Variants in EIF4EBP2 observed in about 807,000 individuals in gnomAD.
EIF4EBP2 encodes eukaryotic translation initiation factor 4E binding protein 2.
A neutral mutation model predicts 10.3 loss-of-function variants in EIF4EBP2; 5 were observed. The ratio of observed to expected loss-of-function variants is 0.48; its 90% CI spans 0.25 to 1.02. EIF4EBP2 has a LOEUF of 1.02. Among genes scored for constraint, EIF4EBP2 ranks in the 50% least tolerant of loss-of-function variants. The probability of loss-of-function intolerance (pLI) is 0.15; values close to 1 mark genes in which losing one functional copy is unlikely to be tolerated. For synonymous variants in EIF4EBP2, 67 were observed against 61.1 expected (o/e 1.10, Z -0.45); for missense variants, 188 against 162.2 (o/e 1.16, Z -0.86).
In EIF4EBP2 at chr10:70,425,297, C is replaced by T. The variant is rs890578158; in HGVS notation, c.*3550C>T. 4.6e-5 allele frequency: 7 copies of T among 152,316 alleles called. No homozygotes were observed. The highest frequency in any genetic ancestry group is 1.9e-4 in the East Asian group (1 of 5,186). 9.4% of individuals were successfully genotyped at this position (152,316 alleles called of 1,614,324 possible). On this transcript the variant is annotated 3_prime_UTR_variant, in exon 3 of 3. Transcript: ENST00000373218. ...AGACATAGTCTTGGAAAGGACACACCGTCACTTCTTATCCTAGTTGTTAGA... is the reference window on the plus strand; with the variant it reads ...AGACATAGTCTTGGAAAGGACACACTGTCACTTCTTATCCTAGTTGTTAGA...
intron 2 of EIF4EBP2, 33 bp downstream of exon 2, chr10:70,420,132 G>A (rs368511171): frequency 8.0e-5 from 123 of 1,536,326 alleles, no homozygotes; most frequent in Non-Finnish European, 9.8e-5. Context: ...GACCTAGAGC[G>A]TGGCTCTTGG....
At chr10:70,407,469 T>G (rs1273113103) in intron 1 of EIF4EBP2, among the ~76,000 whole-genome samples, 2 of 151,980 alleles carry the variant, frequency 1.3e-5, no homozygotes, top group African/African-American at 4.8e-5. Context: ...GGCAGAAGAA[T>G]TTTTCTTAGT....
chr10:70,414,687 G>A (rs965925442), intron 1 of EIF4EBP2, among the ~76,000 whole-genome samples: 3 of 152,112 alleles, frequency 2.0e-5, no homozygotes, highest in Non-Finnish European at 4.4e-5. Context: ...GGCCAACATG[G>A]TGAAACCCCA....
rs1015192066 is a variant in EIF4EBP2, at chr10:70,427,884, A to G, written c.*6137A>G. 6.6e-6 allele frequency: 1 copy of G among 151,820 alleles called. No homozygotes were observed. The highest frequency in any genetic ancestry group is 1.5e-5 in the Non-Finnish European group (1 of 67,952). The allele number at this position is 151,820 out of a possible 1,614,324, so 9.4% of individuals were successfully genotyped here. On this transcript the variant is annotated 3_prime_UTR_variant, in exon 3 of 3. Transcript: ENST00000373218. ...GTGCTTAAAACCAAAACTCCTGGAC[A>G]CTTAGAAAATTCCATGAATCTAGCA...
At chr10:70,413,092 G>A (rs2137227260) in intron 1 of EIF4EBP2, among the ~76,000 whole-genome samples, 1 of 152,190 alleles carries the variant, frequency 6.6e-6, no homozygotes, top group South Asian at 2.1e-4. Context: ...TCCCCATTAT[G>A]AAAGATGAGG....
intron 1 of EIF4EBP2, among the ~76,000 whole-genome samples, chr10:70,414,051 A>AC (rs1845069125): frequency 1.3e-5 from 2 of 152,354 alleles, no homozygotes; most frequent in Middle Eastern, 6.8e-3. Context: ...CAGAAAATGT[A>AC]CATCTGTGCA....
chr10:70,405,300 T>C (rs1220356224), intron 1 of EIF4EBP2, among the ~76,000 whole-genome samples: 1 of 152,176 alleles, frequency 6.6e-6, no homozygotes, highest in Non-Finnish European at 1.5e-5. Flanking sequence ...GTGGGGTGGT[T>C]GCTTGATCCT....
Position 70,405,657 on chromosome 10 carries a change from GGAGCT to G in EIF4EBP2, c.145+1113_145+1117del, listed in dbSNP as rs1844958088. 2.0e-5 allele frequency among the ~76,000 whole-genome samples: 3 copies of G among 152,282 alleles called. No homozygotes were observed. In the South Asian group the frequency reaches 6.2e-4, roughly 32 times the overall value. On this transcript the variant is annotated intron_variant, in intron 1 of 2. Transcript: ENST00000373218. ...GCCTTGTTCCTGTGGGCAGGGCTCA[GGAGCT>G]GTACTACAACCAATCCGATGCAGTT...
At chr10:70,406,688 C>T (rs1844967006) in intron 1 of EIF4EBP2, among the ~76,000 whole-genome samples, 1 of 150,830 alleles carries the variant, frequency 6.6e-6, no homozygotes, top group African/African-American at 2.5e-5. Flanking sequence ...AAAGTGCTTG[C>T]AAAGAGTCTG....
At chr10:70,412,304 C>T (rs941681535) in intron 1 of EIF4EBP2, among the ~76,000 whole-genome samples, 7 of 147,906 alleles carry the variant, frequency 4.7e-5, no homozygotes, top group Middle Eastern at 3.5e-3. Flanking sequence ...CTTAATGTTT[C>T]GTTCTCCAGG....
At chr10:70,412,386 G>A (rs1475632471) in intron 1 of EIF4EBP2, among the ~76,000 whole-genome samples, 1 of 150,652 alleles carries the variant, frequency 6.6e-6, no homozygotes, top group African/African-American at 2.5e-5. Flanking sequence ...ATTTTATGAT[G>A]GCGGCCGGGG....
rs1554848004 is a variant in EIF4EBP2, at chr10:70,407,738, C to CG, written c.145+3192_145+3193insG. ...TCCCGGGCGGGGGGCTGACCCCCCC[C>CG]CCACCTCCCTCCCAGACGGGGCGGC... On this transcript the variant is annotated intron_variant, in intron 1 of 2. Coordinates refer to ENST00000373218, the MANE Select transcript of EIF4EBP2 (RefSeq NM_004096.5). Among the ~76,000 whole-genome samples, 8 of 139,878 alleles carry CG rather than the reference C, an allele frequency of 5.7e-5. No homozygotes were observed. The East Asian group carries it at 1.5e-3, about 27-fold the overall frequency. 91.8% of individuals were successfully genotyped at this position (139,878 alleles called of 152,430 possible). A position where few individuals can be genotyped will look rare whatever the true frequency, so the allele number is the denominator to read the frequency against.
intron 2 of EIF4EBP2, among the ~76,000 whole-genome samples, chr10:70,421,043 C>T: frequency 6.6e-6 from 1 of 152,158 alleles, no homozygotes; most frequent in Non-Finnish European, 1.5e-5. Context: ...GATCCGCCCG[C>T]CTCAGCCTCC....
At chr10:70,412,911 A>G (rs1052101647) in intron 1 of EIF4EBP2, among the ~76,000 whole-genome samples, 1 of 152,236 alleles carries the variant, frequency 6.6e-6, no homozygotes. Context: ...AAATATGTAC[A>G]TTTTGAAACA....
intron 1 of EIF4EBP2, 64 bp from the exon 2 acceptor site, chr10:70,419,850 G>A: frequency 5.3e-6 from 6 of 1,133,776 alleles, no homozygotes; most frequent in Non-Finnish European, 7.4e-6. Context: ...TTAAATTCCT[G>A]GGTGGTATTA....
chr10:70,420,931 G>T (rs1385893088), intron 2 of EIF4EBP2, among the ~76,000 whole-genome samples: 1 of 151,850 alleles, frequency 6.6e-6, no homozygotes, highest in African/African-American at 2.4e-5. Context: ...AGTAGCTGGG[G>T]CTACAGGCGC....
Position 70,404,338 on chromosome 10 carries a change from G to A in EIF4EBP2, c.-64G>A. 2.0e-6 allele frequency: 3 copies of A among 1,470,500 alleles called. No individual in the cohort carries two copies. The highest frequency in any genetic ancestry group is 2.9e-5 in the East Asian group (1 of 33,978). 91.1% of individuals were successfully genotyped at this position (1,470,500 alleles called of 1,614,324 possible). A position where few individuals can be genotyped will look rare whatever the true frequency, so the allele number is the denominator to read the frequency against. ...TTTTCCGTCCGCCTGAGGAGCCGAA[G>A]CAGCCCCGGCCCCGCCGCCGCCGCC... is the stretch of plus-strand genomic sequence containing the variant. On this transcript the variant is annotated 5_prime_UTR_variant, in exon 1 of 3. Transcript: ENST00000373218.
Position 70,404,514 on chromosome 10 carries a change from C to T in EIF4EBP2, c.113C>T (p.Pro38Leu). The change falls in exon 1 of 3, where the codon CCC becomes CTC. Residue 38 changes from proline to leucine, a missense_variant. Transcript: ENST00000373218. Reference sequence around the variant, plus strand: ...CTACCTCATGACTATTGCACCACGCCCGGGGGGACGCTCTTCTCCACCACA... The same window carrying T: ...CTACCTCATGACTATTGCACCACGCTCGGGGGGACGCTCTTCTCCACCACA... ...AQLPHDYCTT[P>L]GGTLFSTTPG... 6.3e-7 allele frequency: 1 copy of T among 1,591,176 alleles called. No individual in the cohort carries two copies. The highest frequency in any genetic ancestry group is 8.5e-7 in the Non-Finnish European group (1 of 1,171,898).
chr10:70,404,224 CGGCGGCGGCGGCGGCTGAGAG>C lies in EIF4EBP2; in HGVS notation c.-166_-146del, dbSNP rs1461893117. Among the ~76,000 whole-genome samples the C allele has an allele frequency of 1.3e-5, 2 of 152,158 alleles. No individual in the cohort carries two copies. The highest frequency in any genetic ancestry group is 2.9e-5 in the Non-Finnish European group (2 of 67,998). On this transcript the variant is annotated 5_prime_UTR_variant, in exon 1 of 3. Transcript: ENST00000373218. ...TGGCTGAGGCCGGAGGATCGAGCGG[CGGCGGCGGCGGCGGCTGAGAG>C]GGCGGCGGCGGGAGCGGAGCGGGAC...
Sources: gnomAD v4.1 joint callset for allele counts (sites outside exome capture counted in the v4.1 genomes callset) on GRCh38, gnomAD v4.1.1 for gene constraint, MANE v1.5 for transcripts, NCBI Gene and HGNC (gene_info 2026-07-23, HGNC 2026-07-21) for gene names.